TCF20: variants seen among roughly 807,000 people sequenced by gnomAD.
The protein encoded by TCF20 is SPRE-binding protein.
A neutral mutation model predicts 148.6 loss-of-function variants in TCF20; 3 were observed. That is an observed-to-expected ratio of 0.02 (90% CI 0.01 to 0.05). The LOEUF (loss-of-function observed/expected upper bound fraction) is 0.05. TCF20 is among the 10% of genes least tolerant of loss of function. The pLI is 1.00. For synonymous variants in TCF20, 1,049 were observed against 909.5 expected, an observed-to-expected ratio of 1.15 and a Z score of -2.76; for missense variants, 2,350 against 2,429.3, an observed-to-expected ratio of 0.97 and a Z score of 0.69.
Position 42,214,695 on chromosome 22 carries a change from C to A in TCF20, c.611G>T (p.Ser204Ile). Residue 204 changes from serine (S) to isoleucine (I), a missense_variant, in exon 2 of 6, where the codon AGC (serine) becomes ATC (isoleucine). Physicochemically the swap from Ser to Ile is moderately radical, Grantham distance 142. This residue lies in a region of TCF20 where 1,641 missense variants were observed against 1,662.6 expected (regional missense o/e 0.99). Coordinates refer to ENST00000677622, the MANE Select transcript of TCF20 (RefSeq NM_001378418.1). Reference protein sequence around the residue: ...LPQATGQPASSSSHLQPMQRP... With the variant: ...LPQATGQPASISSHLQPMQRP... Reference sequence around the variant, plus strand: ...CTGCATTGGCTGTAGATGGGATGAGCTGGATGCTGGTTGGCCAGTGGCCTG... The same window carrying A: ...CTGCATTGGCTGTAGATGGGATGAGATGGATGCTGGTTGGCCAGTGGCCTG... The A allele has an allele frequency of 1.2e-6, 2 of 1,614,132 alleles. No homozygotes were observed. Among genetic ancestry groups the A allele is most frequent in the Non-Finnish European group, 1.7e-6 (2 of 1,180,030 alleles).
intron 1 of TCF20, among the ~76,000 whole-genome samples, chr22:42,258,557 G>T (rs1013955051): frequency 4.6e-5 from 7 of 152,092 alleles, no homozygotes; most frequent in Admixed American, 4.6e-4. Flanking sequence ...ATACACTTAG[G>T]ATTTTCACTT....
At chr22:42,249,775 C>CA (rs1001034873) in intron 1 of TCF20, among the ~76,000 whole-genome samples, 3 of 152,224 alleles carry the variant, frequency 2.0e-5, no homozygotes, top group African/African-American at 7.2e-5. Flanking sequence ...TCTGCTCCTT[C>CA]ACACATAGTG....
rs779029341 is a variant in TCF20, at chr22:42,211,012, T to C, written c.4294A>G (p.Arg1432Gly). The change falls in exon 2 of 6, where the codon AGG becomes GGG. Residue 1432 changes from arginine (R) to glycine (G), a missense_variant. This residue lies in a region of TCF20 where 231 missense variants were observed against 213.7 expected (regional missense o/e 1.08). Transcript: ENST00000677622. ...CTGCCACGCCACTCTTCTGAAGACCTTGGAAGAGGTTTCTCTACGTGCAAC... is the reference window on the plus strand; with the variant it reads ...CTGCCACGCCACTCTTCTGAAGACCCTGGAAGAGGTTTCTCTACGTGCAAC... The part of the protein sequence containing the change: ...QELHVEKPLP[R>G]SSEEWRGSVD... 2.2e-5 allele frequency: 35 copies of C among 1,614,026 alleles called. No homozygotes were observed. The Admixed American group carries it at 3.5e-4, about 16-fold the overall frequency.
chr22:42,202,595 G>C (rs987113361), intron 2 of TCF20, among the ~76,000 whole-genome samples: 3 of 152,218 alleles, frequency 2.0e-5, no homozygotes, highest in African/African-American at 7.2e-5. Flanking sequence ...TAGCTGCCTT[G>C]ATTTTCTCTT....
chr22:42,176,382 G>A (rs578254500), intron 3 of TCF20, among the ~76,000 whole-genome samples: 1 of 152,136 alleles, frequency 6.6e-6, no homozygotes, highest in Admixed American at 6.5e-5. Context: ...GAAGGAAGGG[G>A]GGGGCAGGAT....
At chr22:42,302,706 G>A (rs1167341501) in intron 1 of TCF20, among the ~76,000 whole-genome samples, 1 of 152,132 alleles carries the variant, frequency 6.6e-6, no homozygotes, top group Admixed American at 6.5e-5. Flanking sequence ...ACCCTGCCCT[G>A]CAGGACTTAT....
At chr22:42,169,316 C>T (rs142671196) in intron 4 of TCF20, among the ~76,000 whole-genome samples, 34 of 152,158 alleles carry the variant, frequency 2.2e-4, no homozygotes, top group African/African-American at 7.5e-4. Context: ...AGGAAGCGAC[C>T]ACGAGACCAC....
chr22:42,263,637 T>C (rs999909233), intron 1 of TCF20, among the ~76,000 whole-genome samples: 2 of 152,134 alleles, frequency 1.3e-5, no homozygotes, highest in Admixed American at 6.6e-5. Flanking sequence ...AAGGCATAAT[T>C]AGGATGAGAG....
upstream of TCF20, among the ~76,000 whole-genome samples, chr22:42,284,865 C>T (rs148538468): frequency 3.0e-3 from 455 of 152,360 alleles, 4 homozygotes; most frequent in African/African-American, 0.011. Context: ...TAAGCACCAA[C>T]GCCCCGTGTC....
At chr22:42,296,990 C>T (rs1425369881) in intron 1 of TCF20, among the ~76,000 whole-genome samples, 1 of 152,244 alleles carries the variant, frequency 6.6e-6, no homozygotes, top group Non-Finnish European at 1.5e-5. Context: ...AAGGAAGGTG[C>T]TATAGTTAAA....
chr22:42,341,159 G>T (rs66534409), intron 1 of TCF20, among the ~76,000 whole-genome samples: 3 of 151,992 alleles, frequency 2.0e-5, no homozygotes, highest in Non-Finnish European at 2.9e-5. Context: ...TTGCCTTTCT[G>T]GGGGGGATGC....
chr22:42,233,623 A>G (rs1923625728), intron 1 of TCF20, among the ~76,000 whole-genome samples: 1 of 152,204 alleles, frequency 6.6e-6, no homozygotes, highest in African/African-American at 2.4e-5. Flanking sequence ...ACAGCGTGGG[A>G]CCTTAGTTCT....
chr22:42,341,008 G>C (rs1036148226), intron 1 of TCF20, among the ~76,000 whole-genome samples: 1 of 152,082 alleles, frequency 6.6e-6, no homozygotes, highest in Non-Finnish European at 1.5e-5. Flanking sequence ...CGGAGCTGCG[G>C]GGCGCGCAGC....
intron 1 of TCF20, among the ~76,000 whole-genome samples, chr22:42,243,139 G>A (rs1010906747): frequency 6.6e-6 from 1 of 151,558 alleles, no homozygotes; most frequent in African/African-American, 2.4e-5. Context: ...AAGACATTAT[G>A]CATTTGTCCA....
chr22:42,329,870 G>A (rs1307546935), intron 1 of TCF20, among the ~76,000 whole-genome samples: 1 of 151,768 alleles, frequency 6.6e-6, no homozygotes, highest in East Asian at 1.9e-4. Context: ...TGTGGCCCCC[G>A]AAATGGCTGT....
At chr22:42,194,195 G>A (rs558146947) in intron 2 of TCF20, among the ~76,000 whole-genome samples, 231 of 152,300 alleles carry the variant, frequency 1.5e-3, no homozygotes, top group African/African-American at 5.2e-3. Context: ...CTTAAACAGA[G>A]AATCTTCTGG....
chr22:42,284,269 CTATT>C (rs1209455087), upstream of TCF20, among the ~76,000 whole-genome samples: 2 of 152,246 alleles, frequency 1.3e-5, no homozygotes, highest in Non-Finnish European at 2.9e-5. Flanking sequence ...GATTATGTGT[CTATT>C]TATAATTGGC....
chr22:42,217,729 A>C (rs1431179123), intron 1 of TCF20, among the ~76,000 whole-genome samples: 1 of 152,230 alleles, frequency 6.6e-6, no homozygotes, highest in Admixed American at 6.5e-5. Context: ...GAGGATGCTG[A>C]AGACCTTGCC....
intron 1 of TCF20, among the ~76,000 whole-genome samples, chr22:42,295,387 G>T (rs935355562): frequency 2.0e-5 from 3 of 151,628 alleles, no homozygotes; most frequent in South Asian, 4.2e-4. Flanking sequence ...CTGCCTTGGG[G>T]CCTCTGCCCT....
Sources: allele counts gnomAD v4.1 joint callset (sites outside exome capture counted in the v4.1 genomes callset), GRCh38; gene constraint gnomAD v4.1.1; regional missense constraint gnomAD v4.1.1; transcripts MANE v1.5; gene names NCBI Gene and HGNC (gene_info 2026-07-23, HGNC 2026-07-21).